Variants in LRRC37A2 observed in about 807,000 individuals in gnomAD.
The protein encoded by LRRC37A2 is leucine-rich repeat-containing protein 37A2.
Under a neutral mutation model 68.8 loss-of-function variants are expected in LRRC37A2, and 9 were observed. The ratio of observed to expected loss-of-function variants is 0.13; its 90% CI spans 0.08 to 0.23. The LOEUF (loss-of-function observed/expected upper bound fraction) is 0.23, where lower values mean the gene tolerates loss of function less well. LRRC37A2 is among the 10% of genes least tolerant of loss of function. The pLI, the probability that LRRC37A2 is intolerant of heterozygous loss-of-function variation, is 1.00. For missense variants in LRRC37A2, 168 were observed against 950.4 expected, an observed-to-expected ratio of 0.18 and a Z score of 10.82; for synonymous variants, 63 against 367.6, an observed-to-expected ratio of 0.17 and a Z score of 9.48.
At chr17:46,635,697 C>A in the LRRC37A2 span, among the ~76,000 whole-genome samples, 86,106 of 89,212 alleles carry the variant, frequency 0.97, 42,002 homozygotes, top group East Asian at 1. Context: ...AGGTTGCTTA[C>A]GAGAGCTGCT....
chr17:46,851,565 G>A, the LRRC37A2 span: 1 of 847,918 alleles, frequency 1.2e-6, no homozygotes, highest in Non-Finnish European at 1.6e-6. The surrounding 1 kb of genome is among the most constrained non-coding windows in gnomAD (Gnocchi z 4.3). Context: ...TTAAAGTCCC[G>A]CGGGCGGGTG....
chr17:46,921,284 G>A, the LRRC37A2 span: 1 of 152,188 alleles, frequency 6.6e-6, no homozygotes. Flanking sequence ...GCCATATGTA[G>A]AAAGCTGAAA....
chr17:46,882,134 C>T, the LRRC37A2 span, among the ~76,000 whole-genome samples: 2 of 152,054 alleles, frequency 1.3e-5, no homozygotes, highest in Non-Finnish European at 2.9e-5. Flanking sequence ...CCAGCCTGAG[C>T]GACAGAGTGA....
the LRRC37A2 span, chr17:47,018,646 C>T: frequency 6.6e-7 from 1 of 1,520,452 alleles, no homozygotes. Context: ...TCTCCGGAAC[C>T]TATTAATAAT....
At chr17:46,976,298 C>T in the LRRC37A2 span, among the ~76,000 whole-genome samples, 6 of 150,652 alleles carry the variant, frequency 4.0e-5, no homozygotes, top group African/African-American at 7.3e-5. Flanking sequence ...TTTGGGAGGC[C>T]GAGGCGGGTG....
the LRRC37A2 span, chr17:46,978,389 C>CAAA: frequency 3.5e-5 from 13 of 373,036 alleles, no homozygotes; most frequent in East Asian, 9.2e-5. Flanking sequence ...AAAAAACAAA[C>CAAA]AAACAAAAAA....
chr17:46,472,928 A>G, the LRRC37A2 span, among the ~76,000 whole-genome samples: 2 of 69,246 alleles, frequency 2.9e-5, 1 homozygote, highest in Admixed American at 2.8e-4. Context: ...AAAAAAATAT[A>G]TATATATATA....
chr17:46,931,228 T>C, the LRRC37A2 span: 6 of 1,094,490 alleles, frequency 5.5e-6, no homozygotes, highest in African/African-American at 3.1e-5. Context: ...ACCTCTGACA[T>C]GGCTCTGATA....
chr17:46,935,652 A>G, the LRRC37A2 span: 2 of 999,996 alleles, frequency 2.0e-6, no homozygotes, highest in Non-Finnish European at 2.4e-6. Flanking sequence ...GGTTGTTTGC[A>G]GTAGATTAGA....
the LRRC37A2 span, chr17:46,936,862 ATTGCTT>A: frequency 1.0e-6 from 1 of 980,714 alleles, no homozygotes; most frequent in Non-Finnish European, 1.2e-6. Flanking sequence ...AGGCTTCTTA[ATTGCTT>A]TCTGGGCAGA....
the LRRC37A2 span, among the ~76,000 whole-genome samples, chr17:46,788,884 C>T: frequency 2.0e-5 from 3 of 152,204 alleles, no homozygotes; most frequent in African/African-American, 7.2e-5. Flanking sequence ...CATGGCCCTG[C>T]TGGCTCTCTG....
chr17:46,926,736 G>A, the LRRC37A2 span, among the ~76,000 whole-genome samples: 1 of 152,186 alleles, frequency 6.6e-6, no homozygotes, highest in Admixed American at 6.5e-5. Context: ...TCATATTTAT[G>A]TTTTCTTAGC....
chr17:46,773,648 C>T, the LRRC37A2 span: 1 of 1,531,380 alleles, frequency 6.5e-7, no homozygotes, highest in Non-Finnish European at 8.9e-7. Flanking sequence ...CCTCCCCCCC[C>T]CTCAGCCCCA....
the LRRC37A2 span, among the ~76,000 whole-genome samples, chr17:46,748,566 G>C: frequency 3.3e-5 from 5 of 152,134 alleles, no homozygotes; most frequent in African/African-American, 4.8e-5. Context: ...CATAGACAGG[G>C]GAATAGATGA....
At chr17:46,922,893 C>T in the LRRC37A2 span, 9 of 522,534 alleles carry the variant, frequency 1.7e-5, no homozygotes, top group South Asian at 1.8e-4. Flanking sequence ...GTTAGTATCC[C>T]GCGATTGTCC....
At chr17:46,531,758 ATC>A (rs1331782045) in intron 6 of LRRC37A2, among the ~76,000 whole-genome samples, 1 of 74,554 alleles carries the variant, frequency 1.3e-5, no homozygotes, top group Non-Finnish European at 2.3e-5. Context: ...TGTCCCTTTC[ATC>A]TGTCTGACAT....
At chr17:46,485,990 A>AC in the LRRC37A2 span, among the ~76,000 whole-genome samples, 3 of 79,724 alleles carry the variant, frequency 3.8e-5, 1 homozygote, top group African/African-American at 1.1e-4. Context: ...AAAAAAAAAA[A>AC]AAAAAAACAG....
the LRRC37A2 span, among the ~76,000 whole-genome samples, chr17:46,492,656 C>A: frequency 6.7e-6 from 1 of 149,834 alleles, no homozygotes; most frequent in Non-Finnish European, 1.5e-5. Context: ...TCTGTATCCT[C>A]CCTAGCACTT....
At chr17:46,717,074 G>A in the LRRC37A2 span, among the ~76,000 whole-genome samples, 10 of 152,004 alleles carry the variant, frequency 6.6e-5, no homozygotes, top group African/African-American at 2.4e-4. Flanking sequence ...TCACAGTAGT[G>A]GAATGGAATC....
Sources: gnomAD v4.1 joint callset for allele counts (sites outside exome capture counted in the v4.1 genomes callset) on GRCh38, gnomAD v4.1.1 for gene constraint, Gnocchi (gnomAD v3.1) non-coding constraint, MANE v1.5 for transcripts, NCBI Gene and HGNC (gene_info 2026-07-23, HGNC 2026-07-21) for gene names.